DHPS: variants seen among roughly 807,000 people sequenced by gnomAD.
DHPS encodes the protein deoxyhypusine synthase.
Under a neutral mutation model 38.7 loss-of-function variants are expected in DHPS, and 24 were observed. The ratio of observed to expected loss-of-function variants is 0.62; its 90% confidence interval spans 0.45 to 0.87. DHPS has a LOEUF of 0.87. Ranked by LOEUF, DHPS falls within the 40% of genes least tolerant of loss-of-function variation. The probability of loss-of-function intolerance (pLI) is 0.00; values close to 1 mark genes in which losing one functional copy is unlikely to be tolerated. For missense variants in DHPS, 510 were observed against 497.6 expected, an observed-to-expected ratio of 1.02 and a Z score of -0.24; for synonymous variants, 250 against 204.4, an observed-to-expected ratio of 1.22 and a Z score of -1.90.
intron 2 of DHPS, 30 bp downstream of exon 2, chr19:12,680,131 G>A: frequency 1.9e-6 from 3 of 1,612,028 alleles, no homozygotes. Flanking sequence ...TGACCCAGAG[G>A]CCAAGGCCAC....
chr19:12,676,703 C>T (rs929123724), intron 7 of DHPS: 8 of 258,542 alleles, frequency 3.1e-5, no homozygotes, highest in Admixed American at 1.5e-4. Flanking sequence ...TTACTTCAGG[C>T]GCCCCAGAGC....
rs1234504786 is a variant in DHPS at position 12,681,811 on chromosome 19, C to T, written c.-45G>A. On this transcript the variant is annotated 5_prime_UTR_variant, in exon 1 of 9. Coordinates refer to ENST00000210060, the MANE Select transcript of DHPS (RefSeq NM_001930.4). ...GAGTCAAAGCTGCCCCTAGGCCGGG[C>T]TTACGGCGGCCCAGAAACGCGTTAA... is the stretch of plus-strand genomic sequence containing the variant. 3.2e-6 allele frequency: 5 copies of T among 1,561,778 alleles called. No individual in the cohort carries two copies. The highest frequency in any genetic ancestry group is 2.7e-5 in the African/African-American group (2 of 73,960).
chr19:12,680,424 C>T, intron 1 of DHPS, 99 bp from the exon 2 acceptor site: 2 of 1,306,170 alleles, frequency 1.5e-6, no homozygotes, highest in Non-Finnish European at 2.2e-6. Context: ...AGGCCCTGCA[C>T]ATTCAGGGAT....
rs966702185 is a variant in DHPS at position 12,680,175 on chromosome 19, C to T, written c.358G>A (p.Val120Met). The change falls in exon 2 of 9, where the codon GTG becomes ATG. Residue 120 changes from valine (V) to methionine (M), a missense_variant. Val to Met is a conservative substitution (Grantham distance 21, BLOSUM62 1). Transcript: ENST00000210060. ...SGIRETIRYL[V>M]QHNMVDVLVT... is the part of the protein sequence containing the mutation. ...CAGGTCCCCACCATGTTGTGCTGCA[C>T]AAGGTAGCGAATGGTCTCACGGATG... The T allele has an allele frequency of 1.2e-6, 2 of 1,614,188 alleles. No individual in the cohort carries two copies. Among genetic ancestry groups the T allele is most frequent in the South Asian group, 2.2e-5 (2 of 91,086 alleles).
chr19:12,673,696 G>GT (rs760415299), downstream of DHPS, among the ~76,000 whole-genome samples: 1 of 151,752 alleles, frequency 6.6e-6, no homozygotes, highest in Non-Finnish European at 1.5e-5. Context: ...GATTACAGGC[G>GT]TAAGCCACCA....
chr19:12,680,833 C>CT (rs775520052), intron 1 of DHPS, among the ~76,000 whole-genome samples: 8,541 of 119,578 alleles, frequency 0.071, 1,284 homozygotes, highest in African/African-American at 0.26. Context: ...CGTGCCCGGC[C>CT]TTTTTTTTTT....
Position 12,681,870 on chromosome 19 carries a change from A to T in DHPS, c.-104T>A, listed in dbSNP as rs982868378. 9.7e-7 allele frequency: 1 copy of T among 1,029,208 alleles called. No individual in the cohort carries two copies. The highest frequency in any genetic ancestry group is 1.4e-6 in the Non-Finnish European group (1 of 701,572). The allele number at this position is 1,029,208 out of a possible 1,614,324, so 63.8% of individuals were successfully genotyped here. A position where few individuals can be genotyped will look rare whatever the true frequency, so the allele number is the denominator to read the frequency against. On this transcript the variant is annotated 5_prime_UTR_variant, in exon 1 of 9. Transcript: ENST00000210060. ...GCGCGCGTCTCCGCAAGAGCACAGG[A>T]AGTAGGGAACGTGCTTTGGGCGAAA...
At chr19:12,676,232 G>C (rs2024583338) in intron 7 of DHPS, 90 bp from the exon 8 acceptor site, 4 of 1,446,232 alleles carry the variant, frequency 2.8e-6, no homozygotes, top group African/African-American at 1.4e-5. Context: ...CAGGCTGAGA[G>C]GTGTGTCCCA....
Position 12,677,100 on chromosome 19 carries a change from C to T in DHPS, c.888+8G>A, listed in dbSNP as rs755843603. ...TGCAGAGTGGGCCGAAGCGCCACCCCCACTCACCATGAGGTTGGCATTGGC... is the reference window on the plus strand; with the variant it reads ...TGCAGAGTGGGCCGAAGCGCCACCCTCACTCACCATGAGGTTGGCATTGGC... On this transcript the variant is annotated splice_region_variant and intron_variant, in intron 7 of 8. Transcript: ENST00000210060. The T allele has an allele frequency of 3.7e-6, 6 of 1,612,920 alleles. No homozygotes were observed. The Admixed American group carries it at 1.0e-4, about 27-fold the overall frequency.
At chr19:12,678,242 G>A (rs1405822449) in intron 5 of DHPS, among the ~76,000 whole-genome samples, 2 of 149,244 alleles carry the variant, frequency 1.3e-5, no homozygotes, top group Non-Finnish European at 3.0e-5. Context: ...TGGGTAACAA[G>A]AGCAAAACTC....
At chr19:12,675,476 G>T, downstream of DHPS, 1 of 1,583,812 alleles carries the variant, frequency 6.3e-7, no homozygotes, top group Non-Finnish European at 8.6e-7. Context: ...CAGAAACCAG[G>T]GTACAGCCCA....
chr19:12,672,784 C>T (rs1295567553), downstream of DHPS: 4 of 1,522,258 alleles, frequency 2.6e-6, no homozygotes, highest in Non-Finnish European at 3.6e-6. Context: ...TGGGAAGGCA[C>T]AGGGCTGCCT....
chr19:12,673,003 C>A, downstream of DHPS: 1 of 1,612,600 alleles, frequency 6.2e-7, no homozygotes, highest in Non-Finnish European at 8.5e-7. Flanking sequence ...CACCCTTCCC[C>A]CAAGGCCCCA....
At chr19:12,673,255 G>T (rs199685737), downstream of DHPS, 12 of 1,613,994 alleles carry the variant, frequency 7.4e-6, 1 homozygote, top group South Asian at 6.6e-5. Context: ...CTGAGCGAGC[G>T]TGACACACAT....
intron 1 of DHPS, 76 bp downstream of exon 1, chr19:12,681,484 C>A: frequency 6.5e-7 from 1 of 1,533,304 alleles, no homozygotes; most frequent in Admixed American, 1.8e-5. Flanking sequence ...ACTGGAAACG[C>A]TGCCCCCGTC....
downstream of DHPS, among the ~76,000 whole-genome samples, chr19:12,673,565 G>A (rs932538740): frequency 2.6e-5 from 4 of 151,792 alleles, no homozygotes; most frequent in East Asian, 1.9e-4. Context: ...TTATAGGTGC[G>A]TGCCACCACA....
chr19:12,673,294 TG>T (rs2024476981), downstream of DHPS: 1 of 1,613,590 alleles, frequency 6.2e-7, no homozygotes. Flanking sequence ...GACGGGAAGG[TG>T]TTCTTCTGGG....
Position 12,681,644 on chromosome 19 carries a change from A to G in DHPS, c.123T>C (p.Asn41=). 2.5e-6 allele frequency: 4 copies of G among 1,614,216 alleles called. No homozygotes were observed. The highest frequency in any genetic ancestry group is 3.4e-6 in the Non-Finnish European group (4 of 1,180,036). Residue 41 remains asparagine, a synonymous_variant, in exon 1 of 9, where the codon AAT becomes AAC. Transcript: ENST00000210060. ...VRGYDFNRGV[N]YRALLEAFGT... ...CGAAGGCCTCCAGCAGTGCGCGGTA[A>G]TTCACACCGCGGTTGAAGTCGTAGC... is the stretch of plus-strand genomic sequence containing the variant.
At chr19:12,681,192 G>A (rs1160094326) in intron 1 of DHPS, 5 of 1,231,054 alleles carry the variant, frequency 4.1e-6, no homozygotes, top group African/African-American at 3.2e-5. Flanking sequence ...CTTCCCCGCT[G>A]GGAAAAGCAA....
Sources: allele counts gnomAD v4.1 joint callset (sites outside exome capture counted in the v4.1 genomes callset), GRCh38; gene constraint gnomAD v4.1.1; transcripts MANE v1.5; gene names NCBI Gene and HGNC (gene_info 2026-07-23, HGNC 2026-07-21).